DPP10: variants seen among roughly 807,000 people sequenced by gnomAD.
DPP10 encodes the protein dipeptidyl peptidase like 10.
Under a neutral mutation model 120.9 loss-of-function variants are expected in DPP10, and 33 were observed. The ratio of observed to expected loss-of-function variants is 0.27; its 90% CI spans 0.21 to 0.37. The LOEUF is 0.37. DPP10 is among the 10% of genes least tolerant of loss of function. The probability of loss-of-function intolerance (pLI) is 1.00; values close to 1 mark genes in which losing one functional copy is unlikely to be tolerated. For missense variants in DPP10, 816 were observed against 942.8 expected (o/e 0.87, Z 1.76); for synonymous variants, 337 against 326.1 (o/e 1.03, Z -0.36).
chr2:115,525,990 T>G lies in DPP10; in HGVS notation c.441+18T>G, dbSNP rs2078111921. The G allele has an allele frequency of 1.3e-6, 2 of 1,587,582 alleles. No homozygotes were observed. The highest frequency in any genetic ancestry group is 1.7e-6 in the Non-Finnish European group (2 of 1,166,340). On this transcript the variant is annotated intron_variant, in intron 5 of 25. Coordinates refer to ENST00000410059, the MANE Select transcript of DPP10 (RefSeq NM_020868.6). ...TCAAACAGGTAAAGGAGTGATCTTC[T>G]TTGAGAATACTTTTCTTTGTGATGC...
chr2:114,537,350 A>T (rs759989877), intron 1 of DPP10, among the ~76,000 whole-genome samples: 2 of 152,158 alleles, frequency 1.3e-5, no homozygotes, highest in Non-Finnish European at 2.9e-5. Flanking sequence ...GATCTCTCGG[A>T]AGGATAGGAA....
At position 114,814,396 on chromosome 2, in the gene DPP10, C is replaced by CT. The variant is rs370423519; in HGVS notation, c.60+371568dup. 2.0e-3 allele frequency among the ~76,000 whole-genome samples: 295 copies of CT among 147,668 alleles called. 3 individuals are homozygous for CT. Among genetic ancestry groups the CT allele is most frequent in the African/African-American group, 6.8e-3 (275 of 40,262 alleles). On this transcript the variant is annotated intron_variant, in intron 1 of 25. Coordinates refer to ENST00000410059, the MANE Select transcript of DPP10 (RefSeq NM_020868.6). Reference sequence around the variant, plus strand: ...TCTCTTCATCTTTCTGGATCTTAGGCTTTTTTTTTTCCTCGACATTAGTAC... The same window carrying CT: ...TCTCTTCATCTTTCTGGATCTTAGGCTTTTTTTTTTTCCTCGACATTAGTAC...
intron 1 of DPP10, among the ~76,000 whole-genome samples, chr2:114,542,048 C>T (rs1195631742): frequency 1.6e-5 from 2 of 122,196 alleles, no homozygotes; most frequent in African/African-American, 3.1e-5. Context: ...TTCTTTCTTT[C>T]CTTTTTTTTT....
At chr2:114,744,179 C>T (rs1375888465) in intron 1 of DPP10, among the ~76,000 whole-genome samples, 2 of 152,114 alleles carry the variant, frequency 1.3e-5, no homozygotes, top group East Asian at 3.9e-4. Flanking sequence ...CATAGCTGGA[C>T]AGATCTGATG....
intron 3 of DPP10, among the ~76,000 whole-genome samples, chr2:115,490,017 C>G (rs900323554): frequency 2.0e-5 from 3 of 152,138 alleles, no homozygotes; most frequent in African/African-American, 7.2e-5. Flanking sequence ...CTCTTGCAAC[C>G]AATTACCAAT....
intron 3 of DPP10, among the ~76,000 whole-genome samples, chr2:115,479,556 T>C (rs2105254564): frequency 6.6e-6 from 1 of 152,230 alleles, no homozygotes; most frequent in African/African-American, 2.4e-5. Context: ...GTTAGTATGG[T>C]ATATGATAAA....
At chr2:114,708,651 GA>G (rs1700831076) in intron 1 of DPP10, among the ~76,000 whole-genome samples, 1 of 152,208 alleles carries the variant, frequency 6.6e-6, no homozygotes, top group South Asian at 2.1e-4. Flanking sequence ...AAGGAGGAAA[GA>G]AAAGCAAGAA....
At position 115,640,141 on chromosome 2, in the gene DPP10, C is replaced by CT. The variant is rs540383481; in HGVS notation, c.442-49544dup. 2.8e-3 allele frequency among the ~76,000 whole-genome samples: 427 copies of CT among 152,120 alleles called. 1 individual carries two copies. The highest frequency in any genetic ancestry group is 8.9e-3 in the African/African-American group (369 of 41,512). On this transcript the variant is annotated intron_variant, in intron 5 of 25. Transcript: ENST00000410059. ...TCAGGCTTGCAGAATTACTGACTTGCTTGCTAAACATTCATCAGTGAGACC... is the reference window on the plus strand; with the variant it reads ...TCAGGCTTGCAGAATTACTGACTTGCTTTGCTAAACATTCATCAGTGAGACC...
chr2:115,381,930 G>T (rs1194020653), intron 3 of DPP10, among the ~76,000 whole-genome samples: 1 of 152,126 alleles, frequency 6.6e-6, no homozygotes, highest in Admixed American at 6.5e-5. Context: ...CCAGCTGCGT[G>T]CTGGGAGAAC....
At chr2:115,105,754 A>C (rs752152755) in intron 1 of DPP10, among the ~76,000 whole-genome samples, 1 of 152,178 alleles carries the variant, frequency 6.6e-6, no homozygotes, top group Non-Finnish European at 1.5e-5. Flanking sequence ...TAGGCAAATA[A>C]ATTATTTATA....
intron 21 of DPP10, among the ~76,000 whole-genome samples, chr2:115,826,087 A>C (rs1453197555): frequency 6.6e-6 from 1 of 152,216 alleles, no homozygotes; most frequent in Non-Finnish European, 1.5e-5. Flanking sequence ...TATCATGCTG[A>C]TTGAAACTGG....
At chr2:115,327,096 A>C (rs2062410389) in intron 2 of DPP10, among the ~76,000 whole-genome samples, 2 of 152,020 alleles carry the variant, frequency 1.3e-5, no homozygotes, top group South Asian at 2.1e-4. Flanking sequence ...ATGTTTTTTA[A>C]CTATATATTT....
intron 5 of DPP10, among the ~76,000 whole-genome samples, chr2:115,607,808 T>C (rs1417351056): frequency 6.6e-6 from 1 of 152,072 alleles, no homozygotes; most frequent in Non-Finnish European, 1.5e-5. Context: ...GTAAAGGAAG[T>C]AGACGCCTGG....
At chr2:115,511,726 TTCTTC>T (rs1367191067) in intron 4 of DPP10, among the ~76,000 whole-genome samples, 2,471 of 122,006 alleles carry the variant, frequency 0.02, 83 homozygotes, top group African/African-American at 0.066. Flanking sequence ...CTTCTTCTTC[TTCTTC>T]TTTTTTTTTT....
intron 1 of DPP10, among the ~76,000 whole-genome samples, chr2:114,768,627 C>T (rs925672808): frequency 1.3e-5 from 2 of 152,084 alleles, no homozygotes; most frequent in African/African-American, 2.4e-5. Flanking sequence ...TTAATCACAT[C>T]GGCAAAGTCC....
At chr2:115,357,574 C>T (rs1421486354) in intron 3 of DPP10, among the ~76,000 whole-genome samples, 1 of 152,164 alleles carries the variant, frequency 6.6e-6, no homozygotes, top group Non-Finnish European at 1.5e-5. Flanking sequence ...TTTCCAGGTG[C>T]ACAGTACAAG....
At chr2:114,918,645 C>A (rs1396985638) in intron 1 of DPP10, among the ~76,000 whole-genome samples, 1 of 152,058 alleles carries the variant, frequency 6.6e-6, no homozygotes, top group Admixed American at 6.6e-5. Context: ...TCCTCTGCAG[C>A]AATGTGGATG....
chr2:115,557,310 C>T (rs1489299688), intron 5 of DPP10, among the ~76,000 whole-genome samples: 1 of 152,060 alleles, frequency 6.6e-6, no homozygotes, highest in Non-Finnish European at 1.5e-5. Context: ...TTTCAAAAAA[C>T]ATGATGAGAA....
At chr2:115,427,691 G>C (rs1470866516) in intron 3 of DPP10, among the ~76,000 whole-genome samples, 1 of 152,134 alleles carries the variant, frequency 6.6e-6, no homozygotes, top group African/African-American at 2.4e-5. Flanking sequence ...ATGCCTTGGA[G>C]GCCTTTTTCT....
Sources: allele counts gnomAD v4.1 joint callset (sites outside exome capture counted in the v4.1 genomes callset), GRCh38; gene constraint gnomAD v4.1.1; transcripts MANE v1.5; gene names NCBI Gene and HGNC (gene_info 2026-07-23, HGNC 2026-07-21).